The following DNAI2 variants were observed in gnomAD, a reference collection of about 807,000 sequenced individuals.
DNAI2 encodes the protein dynein, axonemal, intermediate polypeptide 2.
In DNAI2, 63 loss-of-function variants were observed where a neutral mutation model predicts 74.7. The observed-to-expected ratio is 0.84, with a 90% CI of 0.69 to 1.04. The LOEUF (loss-of-function observed/expected upper bound fraction) is 1.04. Among genes scored for constraint, DNAI2 ranks in the 50% least tolerant of loss-of-function variants. The probability of loss-of-function intolerance (pLI) is 0.00; values close to 1 mark genes in which losing one functional copy is unlikely to be tolerated. For synonymous variants in DNAI2, 289 were observed against 314.9 expected (o/e 0.92, Z 0.87); for missense variants, 688 against 803.2 (o/e 0.86, Z 1.73).
chr17:74,310,304 G>A, intron 11 of DNAI2, 141 bp downstream of exon 11: 3 of 1,299,864 alleles, frequency 2.3e-6, no homozygotes, highest in Non-Finnish European at 2.1e-6. Flanking sequence ...AGCAGTGTGG[G>A]CTCCATAAAT....
chr17:74,286,891 C>T, intron 3 of DNAI2, 86 bp from the exon 4 acceptor site: 2 of 1,583,744 alleles, frequency 1.3e-6, no homozygotes, highest in Non-Finnish European at 1.7e-6. Context: ...TGGCTATGTC[C>T]TGTCCCTCCC....
Position 74,299,752 on chromosome 17 carries a change from G to A in DNAI2, c.759G>A (p.Ala253=), listed in dbSNP as rs142656395. 7.9e-4 allele frequency: 1,269 copies of A among 1,613,374 alleles called. 8 individuals are homozygous for A. The African/African-American group carries it at 0.012, about 15-fold the overall frequency. The change falls in exon 7 of 14, where the codon GCG becomes GCA. Residue 253 remains alanine (A), a synonymous_variant. Coordinates refer to ENST00000311014, the MANE Select transcript of DNAI2 (RefSeq NM_023036.6). ...CWDTRKGSLV[A]ELSTIESSHR... ...ACACCCGAAAGGGCAGCCTGGTGGC[G>A]GAGCTATCCACCATTGAGTCCAGCC...
chr17:74,305,237 G>T lies in DNAI2; in HGVS notation c.1006G>T (p.Gly336Trp). The change falls in exon 9 of 14, where the codon GGG (glycine) becomes TGG (tryptophan). Residue 336 changes from glycine (G) to tryptophan (W), a missense_variant. Physicochemically the swap from Gly to Trp is radical, Grantham distance 184. Coordinates refer to ENST00000311014, the MANE Select transcript of DNAI2 (RefSeq NM_023036.6). ...TCCACAGCCCACCAAGTTCATGGTG[G>T]GGACCGAGCAGGGCATCGTCATCTC... ...ESTLPTKFMV[G>W]TEQGIVISCN... 1 of 1,614,162 alleles carries T rather than the reference G, an allele frequency of 6.2e-7. No homozygotes were observed. Among genetic ancestry groups the T allele is most frequent in the Non-Finnish European group, 8.5e-7 (1 of 1,180,038 alleles).
chr17:74,297,494 G>A (rs1470459055), intron 6 of DNAI2, among the ~76,000 whole-genome samples: 1 of 148,546 alleles, frequency 6.7e-6, no homozygotes, highest in Non-Finnish European at 1.5e-5. Flanking sequence ...GGGTTCAAGC[G>A]ATCCTCCTGC....
chr17:74,284,958 C>T (rs977293315), intron 2 of DNAI2, 82 bp from the exon 3 acceptor site: 16 of 1,589,424 alleles, frequency 1.0e-5, no homozygotes, highest in South Asian at 2.2e-5. Flanking sequence ...TGGGAGCCCC[C>T]GTGGGACCTG....
intron 1 of DNAI2, among the ~76,000 whole-genome samples, chr17:74,277,364 G>A (rs545915201): frequency 7.8e-5 from 11 of 141,404 alleles, no homozygotes; most frequent in Admixed American, 2.9e-4. Context: ...CAGCCTGGAC[G>A]ACAGAGCGAG....
At chr17:74,294,913 G>A (rs1598301595) in intron 6 of DNAI2, among the ~76,000 whole-genome samples, 2 of 151,798 alleles carry the variant, frequency 1.3e-5, no homozygotes, top group Non-Finnish European at 2.9e-5. Flanking sequence ...TGTCCCATAG[G>A]TCTTTAGACT....
At chr17:74,313,404 C>T (rs937885397) in intron 12 of DNAI2, among the ~76,000 whole-genome samples, 1 of 152,210 alleles carries the variant, frequency 6.6e-6, no homozygotes, top group Non-Finnish European at 1.5e-5. Flanking sequence ...GCTCCCTCCA[C>T]TTCTGGTGGA....
Position 74,314,187 on chromosome 17 carries a change from GA to G in DNAI2, c.1790del (p.Asp597ValfsTer8), listed in dbSNP as rs751056551. 8.7e-6 allele frequency: 14 copies of G among 1,614,090 alleles called. No homozygotes were observed. The highest frequency in any genetic ancestry group is 1.3e-5 in the African/African-American group (1 of 74,948). On this transcript the variant is annotated frameshift_variant, in exon 13 of 14. Transcript: ENST00000311014. LOFTEE classifies it high-confidence loss of function. ...EGEEAAGEEG[D>X]EEVEEDLA The stretch of plus-strand genomic sequence containing the variant: ...AGAGGAAGCAGCGGGGGAAGAAGGG[GA>G]TGAAGAAGTGGAAGAAGACTTAGCC...
chr17:74,277,833 C>T (rs2051186363), intron 1 of DNAI2, among the ~76,000 whole-genome samples: 1 of 152,212 alleles, frequency 6.6e-6, no homozygotes, highest in Non-Finnish European at 1.5e-5. Context: ...TAAGGAAGAT[C>T]CCAGGTTTCA....
At chr17:74,301,233 C>T (rs2052743625) in intron 8 of DNAI2, 65 bp downstream of exon 8, 1 of 1,605,030 alleles carries the variant, frequency 6.2e-7, no homozygotes, top group Middle Eastern at 1.7e-4. Flanking sequence ...TAAAGACAGG[C>T]CATTGCTAGG....
intron 11 of DNAI2, among the ~76,000 whole-genome samples, chr17:74,311,691 A>T (rs1037051970): frequency 3.3e-5 from 5 of 152,302 alleles, no homozygotes; most frequent in Admixed American, 3.3e-4. Context: ...TGAGACTGGG[A>T]TCTCACCATT....
rs572181287 is a variant in DNAI2, at chr17:74,276,232, G to A, written c.-12+1887G>A. 5.3e-5 allele frequency among the ~76,000 whole-genome samples: 8 copies of A among 152,318 alleles called. No homozygotes were observed. In the East Asian group the frequency reaches 1.5e-3, roughly 29 times the overall value. On this transcript the variant is annotated intron_variant, in intron 1 of 13. Coordinates refer to ENST00000311014, the MANE Select transcript of DNAI2 (RefSeq NM_023036.6). The stretch of plus-strand genomic sequence containing the variant: ...GAGTTTTGTTTTTATAGTGAGTGAA[G>A]GTTCCCATCTGACTGCCTCCCCGGG...
intron 3 of DNAI2, among the ~76,000 whole-genome samples, chr17:74,285,411 G>T (rs1232997800): frequency 6.6e-6 from 1 of 152,280 alleles, no homozygotes; most frequent in Middle Eastern, 3.4e-3. Flanking sequence ...GGAGGTACAA[G>T]GGCTGACCAG....
intron 2 of DNAI2, among the ~76,000 whole-genome samples, chr17:74,284,074 G>A (rs968910362): frequency 6.6e-6 from 1 of 150,868 alleles, no homozygotes; most frequent in African/African-American, 2.4e-5. Context: ...GGAGGCGAAG[G>A]TTGCAGTGAG....
intron 2 of DNAI2, among the ~76,000 whole-genome samples, chr17:74,282,731 A>G (rs6501705): frequency 0.68 from 103,942 of 152,164 alleles, 36,355 homozygotes; most frequent in African/African-American, 0.75. Context: ...CTTGAGGGTC[A>G]TGGTCATGTG....
intron 6 of DNAI2, among the ~76,000 whole-genome samples, chr17:74,294,034 C>T (rs553707931): frequency 2.6e-5 from 4 of 151,970 alleles, no homozygotes; most frequent in South Asian, 2.1e-4. Context: ...ATGCCCACCT[C>T]GGCCTCCCAA....
chr17:74,283,959 G>T (rs796682632), intron 2 of DNAI2, among the ~76,000 whole-genome samples: 5 of 152,160 alleles, frequency 3.3e-5, no homozygotes, highest in African/African-American at 1.2e-4. Context: ...CCAACATGGT[G>T]AAACCCCGTC....
rs886038679 is a variant in DNAI2, at chr17:74,301,162, T to C, written c.981T>C (p.Ser327=). ...GGGCCATCTCCCTGGAGTTCGAATC[T>C]ACTTTGGTGAGTGTCCCTTGCTGTC... ...ALGAISLEFE[S]TLPTKFMVGT... Residue 327 remains serine, a synonymous_variant, in exon 8 of 14, where the codon TCT becomes TCC. Coordinates refer to ENST00000311014, the MANE Select transcript of DNAI2 (RefSeq NM_023036.6). 1 of 1,613,798 alleles carries C rather than the reference T, an allele frequency of 6.2e-7. No individual in the cohort carries two copies. The highest frequency in any genetic ancestry group is 1.7e-5 in the Admixed American group (1 of 60,006).
Sources: allele counts gnomAD v4.1 joint callset (sites outside exome capture counted in the v4.1 genomes callset), GRCh38; gene constraint gnomAD v4.1.1; transcripts MANE v1.5; gene names NCBI Gene and HGNC (gene_info 2026-07-23, HGNC 2026-07-21).